ARHGAP6: variants seen among roughly 807,000 people sequenced by gnomAD.
ARHGAP6 encodes rho GTPase-activating protein 6.
In ARHGAP6, 16 loss-of-function variants were observed where a neutral mutation model predicts 55.7. The ratio of observed to expected loss-of-function variants is 0.29; its 90% CI spans 0.19 to 0.44. The LOEUF (loss-of-function observed/expected upper bound fraction) is 0.44. Ranked by LOEUF, ARHGAP6 falls within the 20% of genes least tolerant of loss-of-function variation. The pLI is 1.00. For missense variants in ARHGAP6, 698 were observed against 808.9 expected, an observed-to-expected ratio of 0.86 and a Z score of 1.66; for synonymous variants, 382 against 360.9, an observed-to-expected ratio of 1.06 and a Z score of -0.66.
At chrX:11,352,743 A>G (rs1271812019) in intron 1 of ARHGAP6, among the ~76,000 whole-genome samples, 1 of 111,454 alleles carries the variant, frequency 9.0e-6, no homozygotes, top group African/African-American at 3.3e-5. Context: ...ATATTCCAGT[A>G]CCCATGGGGA....
intron 1 of ARHGAP6, among the ~76,000 whole-genome samples, chrX:11,384,453 T>C (rs1404394614): frequency 8.9e-6 from 1 of 112,174 alleles, no homozygotes; most frequent in African/African-American, 3.2e-5. Flanking sequence ...TGAGAACACA[T>C]ATACTCAAAA....
At position 11,651,800 on chromosome X, in the gene ARHGAP6, G is replaced by C. The variant is rs926118272; in HGVS notation, c.588+12441C>G. ...TTTCTCCACAACCTCGCCAGCATCT[G>C]TTATTTTTTTACTTTTTAATAGTAG... On this transcript the variant is annotated intron_variant, in intron 1 of 12. Transcript: ENST00000337414. Among the ~76,000 whole-genome samples the C allele has an allele frequency of 5.4e-5, 6 of 111,605 alleles. No individual in the cohort carries two copies. In the East Asian group the frequency reaches 1.1e-3, roughly 21 times the overall value.
intron 1 of ARHGAP6, among the ~76,000 whole-genome samples, chrX:11,410,800 T>C (rs1179975032): frequency 1.8e-5 from 2 of 110,770 alleles, no homozygotes; most frequent in Non-Finnish European, 3.8e-5. Context: ...GTCTTACTGA[T>C]TGCTATGAGA....
chrX:11,546,294 G>A (rs1171352037), intron 1 of ARHGAP6, among the ~76,000 whole-genome samples: 3 of 110,857 alleles, frequency 2.7e-5, no homozygotes, highest in Non-Finnish European at 3.8e-5. Flanking sequence ...CATTCAGTAA[G>A]CCCTTTTTGA....
chrX:11,561,806 A>C (rs963320988), intron 1 of ARHGAP6, among the ~76,000 whole-genome samples: 2 of 112,311 alleles, frequency 1.8e-5, no homozygotes, highest in African/African-American at 6.5e-5. Context: ...GAAGCTGCAG[A>C]AAGCCCTGGC....
intron 1 of ARHGAP6, among the ~76,000 whole-genome samples, chrX:11,498,075 G>T (rs955734195): frequency 8.9e-6 from 1 of 111,835 alleles, no homozygotes; most frequent in African/African-American, 3.2e-5. Context: ...ATTTATCCAT[G>T]TTGACACATA....
intron 1 of ARHGAP6, among the ~76,000 whole-genome samples, chrX:11,283,923 T>C (rs934283554): frequency 5.4e-5 from 6 of 112,101 alleles, no homozygotes; most frequent in Non-Finnish European, 9.4e-5. Flanking sequence ...CGACTAAGTT[T>C]GTGATTATTT....
At chrX:11,360,828 T>G in intron 1 of ARHGAP6, among the ~76,000 whole-genome samples, 1 of 111,589 alleles carries the variant, frequency 9.0e-6, no homozygotes. Context: ...ACAAAATGAA[T>G]GTACAAAAAT....
intron 1 of ARHGAP6, among the ~76,000 whole-genome samples, chrX:11,357,419 T>TC (rs1421435418): frequency 9.0e-6 from 1 of 111,563 alleles, no homozygotes; most frequent in African/African-American, 3.3e-5. Context: ...CTGGCTTTTT[T>TC]CCCACTCAGT....
At chrX:11,387,296 G>A (rs1355672840) in intron 1 of ARHGAP6, among the ~76,000 whole-genome samples, 1 of 111,672 alleles carries the variant, frequency 9.0e-6, no homozygotes, top group Non-Finnish European at 1.9e-5. Flanking sequence ...AATCTCTGGG[G>A]CTTGGGGATT....
chrX:11,507,708 G>GC (rs769434170), intron 1 of ARHGAP6, among the ~76,000 whole-genome samples: 1 of 111,378 alleles, frequency 9.0e-6, no homozygotes, highest in African/African-American at 3.3e-5. Flanking sequence ...AGGCAATTGT[G>GC]CCCCCAGGCA....
intron 1 of ARHGAP6, among the ~76,000 whole-genome samples, chrX:11,594,453 A>G (rs2051876512): frequency 8.9e-6 from 1 of 111,913 alleles, no homozygotes. Context: ...CTTCTAATTC[A>G]GGGGTCATCA....
At position 11,144,133 on chromosome X, in the gene ARHGAP6, C is replaced by T. The variant is rs1476289267; in HGVS notation, c.2023G>A (p.Val675Met). The change falls in exon 11 of 13, where the codon GTG (valine) becomes ATG (methionine). Residue 675 changes from valine (V) to methionine (M), a missense_variant. Physicochemically the swap from Val to Met is conservative, Grantham distance 21 (BLOSUM62 1). Around this residue, in one of 3 missense-constraint regions of ARHGAP6, gnomAD observed 322 missense variants for 451.1 expected, o/e 0.71. Transcript: ENST00000337414. ...DISPYDNNSP[V>M]LSERSLLAMQ... ...GCCAGCAGGGAGCGCTCAGACAGCA[C>T]TGGGGAGTTGTTGTCATAAGGGGAG... The T allele has an allele frequency of 8.3e-7, 1 of 1,210,185 alleles. No individual in the cohort carries two copies. The highest frequency in any genetic ancestry group is 1.7e-5 in the African/African-American group (1 of 57,223).
chrX:11,481,267 C>T (rs1233878636), intron 1 of ARHGAP6, among the ~76,000 whole-genome samples: 1 of 111,827 alleles, frequency 8.9e-6, no homozygotes, highest in Non-Finnish European at 1.9e-5. Context: ...GATTCGATTC[C>T]CATGAGCTTC....
rs1456016444 is a variant in ARHGAP6 at position 11,188,741 on chromosome X, C to T, written c.1064G>A (p.Arg355Gln). ...TGGCCACCTCACCCTCCTCCTAGCC[C>T]GAGGAGCCGGTTCCGGGGTGTTTGG... Reference protein sequence around the residue: ...TSPNTPEPAPRARRRGAMSVD... With the variant: ...TSPNTPEPAPQARRRGAMSVD... The change falls in exon 4 of 13, where the codon CGG (arginine) becomes CAG (glutamine). Residue 355 changes from arginine to glutamine, a missense_variant. Around this residue, in one of 3 missense-constraint regions of ARHGAP6, gnomAD observed 322 missense variants for 451.1 expected, o/e 0.71. Transcript: ENST00000337414. 7 of 1,208,917 alleles carry T rather than the reference C, an allele frequency of 5.8e-6. No homozygotes were observed. The Admixed American group carries it at 6.6e-5, about 11-fold the overall frequency.
intron 1 of ARHGAP6, among the ~76,000 whole-genome samples, chrX:11,373,750 A>C: frequency 8.9e-6 from 1 of 111,789 alleles, no homozygotes; most frequent in Middle Eastern, 4.6e-3. Context: ...TTAGTGGGTA[A>C]ATTTGATTTG....
Position 11,593,866 on chromosome X carries a change from A to T in ARHGAP6, c.588+70375T>A, listed in dbSNP as rs748873523. Among the ~76,000 whole-genome samples, 17 of 112,594 alleles carry T rather than the reference A, an allele frequency of 1.5e-4. No individual in the cohort carries two copies. In the South Asian group the frequency reaches 6.3e-3, roughly 42 times the overall value. On this transcript the variant is annotated intron_variant, in intron 1 of 12. Transcript: ENST00000337414. The stretch of plus-strand genomic sequence containing the variant: ...GAGCCTTGGCCAGGATCAGCTAGGT[A>T]ACTGGCAGGGTCCAGCACAAAATAA...
rs149384053 is a variant in ARHGAP6, at chrX:11,664,244, G to T, written c.585C>A (p.Ser195=). ...GACGCGCAGCGCTGGTCCCTACCTC[G>T]GATTTCCACACGACGTAGGGGTGCC... The part of the protein sequence containing the change: ...SRGHPYVVWK[S]EGDFTWNSMS... Residue 195 remains serine, a synonymous_variant, in exon 1 of 13, where the codon TCC becomes TCA. Transcript: ENST00000337414. 1 of 1,202,421 alleles carries T rather than the reference G, an allele frequency of 8.3e-7. No homozygotes were observed. The highest frequency in any genetic ancestry group is 1.8e-5 in the South Asian group (1 of 55,443).
chrX:11,476,843 A>T (rs888703933), intron 1 of ARHGAP6, among the ~76,000 whole-genome samples: 4 of 111,630 alleles, frequency 3.6e-5, no homozygotes, highest in Non-Finnish European at 7.6e-5. Flanking sequence ...ATAGACCTAA[A>T]TGTAATTATT....
Sources: gnomAD v4.1 joint callset for allele counts (sites outside exome capture counted in the v4.1 genomes callset) on GRCh38, gnomAD v4.1.1 for gene constraint, gnomAD v4.1.1 regional missense constraint, MANE v1.5 for transcripts, NCBI Gene and HGNC (gene_info 2026-07-23, HGNC 2026-07-21) for gene names.